Variants in ELP3 observed in about 807,000 individuals in gnomAD.
ELP3 encodes the protein elongator complex protein 3.
ELP3 carries 56 observed loss-of-function variants against 74.9 expected under a neutral mutation model. The observed-to-expected ratio is 0.75, with a 90% confidence interval of 0.60 to 0.93. The LOEUF (loss-of-function observed/expected upper bound fraction) is 0.93, where lower values mean the gene tolerates loss of function less well. Among genes scored for constraint, ELP3 ranks in the 40% least tolerant of loss-of-function variants. The pLI is 0.00. For missense variants in ELP3, 573 were observed against 686.5 expected (o/e 0.83, Z 1.85); for synonymous variants, 222 against 239.8 (o/e 0.93, Z 0.68).
intron 9 of ELP3, among the ~76,000 whole-genome samples, chr8:28,133,927 C>T (rs1812879973): frequency 6.6e-6 from 1 of 151,958 alleles, no homozygotes; most frequent in Admixed American, 6.6e-5. Context: ...CAAAAAGGCA[C>T]CTGAAACACA....
upstream of ELP3, chr8:28,092,999 C>T: frequency 2.8e-6 from 2 of 714,312 alleles, no homozygotes; most frequent in South Asian, 1.6e-5. Context: ...GGGGCAGGAT[C>T]GCAGCCTAGG....
At chr8:28,162,311 A>G (rs1814131928) in intron 14 of ELP3, among the ~76,000 whole-genome samples, 3 of 152,048 alleles carry the variant, frequency 2.0e-5, no homozygotes, top group Admixed American at 2.0e-4. Context: ...CCTCTTCTGC[A>G]CTCTCTGTCA....
At chr8:28,098,077 G>C (rs1811326013) in intron 2 of ELP3, among the ~76,000 whole-genome samples, 1 of 152,024 alleles carries the variant, frequency 6.6e-6, no homozygotes, top group African/African-American at 2.4e-5. Context: ...TGGGGCCCCT[G>C]ATCTAATCCA....
chr8:28,160,212 G>T lies in ELP3; in HGVS notation c.1258-17G>T, dbSNP rs1475253597. On this transcript the variant is annotated splice_polypyrimidine_tract_variant and intron_variant, in intron 12 of 14. Coordinates refer to ENST00000256398, the MANE Select transcript of ELP3 (RefSeq NM_018091.6). ...TTTAATTTTGAATAATATTTTTTGT[G>T]GCTTTTTACTAAATAGGTTGAATTG... 3 of 1,592,084 alleles carry T rather than the reference G, an allele frequency of 1.9e-6. No homozygotes were observed. Among genetic ancestry groups the T allele is most frequent in the Non-Finnish European group, 2.6e-6 (3 of 1,169,800 alleles).
Position 28,156,001 on chromosome 8 carries a change from C to T in ELP3, c.1160C>T (p.Ala387Val), listed in dbSNP as rs750706913. ...GAGCATGGTAACCTGAGAGAGCTGG[C>T]ACTTGCAAGAATGAAAGACCTCGGA... ...GVEHGNLRELALARMKDLGIQ... is the reference protein window; with the variant it reads ...GVEHGNLRELVLARMKDLGIQ... Residue 387 changes from alanine (A) to valine (V), a missense_variant, in exon 11 of 15, where the codon GCA becomes GTA. Ala to Val is a moderately conservative substitution (Grantham distance 64). Transcript: ENST00000256398. The T allele has an allele frequency of 6.2e-7, 1 of 1,613,858 alleles. No individual in the cohort carries two copies. Among genetic ancestry groups the T allele is most frequent in the East Asian group, 2.2e-5 (1 of 44,870 alleles).
In ELP3 at chr8:28,137,872, C is replaced by T. The variant is rs757498383; in HGVS notation, c.1081C>T (p.Arg361Ter). The T allele has an allele frequency of 5.0e-6, 8 of 1,610,138 alleles. No homozygotes were observed. In the East Asian group the frequency reaches 6.7e-5, roughly 13 times the overall value. Residue 361 changes from arginine to a stop codon, truncating the protein, a stop_gained, in exon 10 of 15, where the codon CGA becomes TGA. Coordinates refer to ENST00000256398, the MANE Select transcript of ELP3 (RefSeq NM_018091.6). LOFTEE classifies it high-confidence loss of function. ...CCTAGCCCTCGTGCCTCCATGGACTCGAGTGTACCGAGTACAGAGGTAGTG... is the reference window on the plus strand; with the variant it reads ...CCTAGCCCTCGTGCCTCCATGGACTTGAGTGTACCGAGTACAGAGGTAGTG... Reference protein sequence around the residue: ...RILALVPPWTRVYRVQRDIPM... With the variant: ...RILALVPPWT
At chr8:28,178,445 A>G (rs1358252972) in intron 14 of ELP3, among the ~76,000 whole-genome samples, 1 of 152,064 alleles carries the variant, frequency 6.6e-6, no homozygotes, top group African/African-American at 2.4e-5. Flanking sequence ...TTGTTGTTGC[A>G]TATTTTTGTT....
At chr8:28,131,589 C>T (rs7833797) in intron 8 of ELP3, among the ~76,000 whole-genome samples, 186 of 152,296 alleles carry the variant, frequency 1.2e-3, no homozygotes, top group African/African-American at 4.2e-3. Context: ...GGAACACCTT[C>T]GTGGCAGAAG....
Position 28,155,981 on chromosome 8 carries a change from T to C in ELP3, c.1140T>C (p.His380=). 6.2e-7 allele frequency: 1 copy of C among 1,614,008 alleles called. No homozygotes were observed. The highest frequency in any genetic ancestry group is 8.5e-7 in the Non-Finnish European group (1 of 1,179,876). ...CTTTAGTTAGCTCAGGAGTAGAGCA[T>C]GGTAACCTGAGAGAGCTGGCACTTG... ...PMPLVSSGVE[H]GNLRELALAR... The change falls in exon 11 of 15, where the codon CAT becomes CAC. Residue 380 remains histidine (H), a synonymous_variant. Coordinates refer to ENST00000256398, the MANE Select transcript of ELP3 (RefSeq NM_018091.6).
chr8:28,108,944 C>A (rs1252077100), intron 5 of ELP3, among the ~76,000 whole-genome samples: 1 of 151,708 alleles, frequency 6.6e-6, no homozygotes, highest in Non-Finnish European at 1.5e-5. Context: ...ACAAGAAGGA[C>A]CTAGTCCTAA....
intron 4 of ELP3, among the ~76,000 whole-genome samples, chr8:28,107,010 A>G (rs995711938): frequency 6.6e-6 from 1 of 152,186 alleles, no homozygotes; most frequent in African/African-American, 2.4e-5. Flanking sequence ...GCATTTTGGG[A>G]GGCTGAGGCA....
intron 8 of ELP3, 132 bp downstream of exon 8, chr8:28,129,795 T>G (rs1038375518): frequency 9.7e-7 from 1 of 1,028,820 alleles, no homozygotes; most frequent in Non-Finnish European, 1.4e-6. Context: ...TTTTCAGAGT[T>G]CTTTCTTCTG....
At chr8:28,105,919 A>G (rs186153749) in intron 3 of ELP3, among the ~76,000 whole-genome samples, 2 of 152,332 alleles carry the variant, frequency 1.3e-5, no homozygotes, top group Admixed American at 6.5e-5. Flanking sequence ...ATTTACACCC[A>G]GACCCTGAAA....
chr8:28,166,127 C>T (rs189326166), intron 14 of ELP3, among the ~76,000 whole-genome samples: 3 of 152,166 alleles, frequency 2.0e-5, no homozygotes, highest in East Asian at 1.9e-4. Context: ...TGAGGGCTCA[C>T]GTATGAAATG....
Position 28,161,447 on chromosome 8 carries a change from G to A in ELP3, c.1486-550G>A, listed in dbSNP as rs548104452. 2.0e-5 allele frequency among the ~76,000 whole-genome samples: 3 copies of A among 152,072 alleles called. No homozygotes were observed. In the South Asian group the frequency reaches 6.2e-4, roughly 32 times the overall value. ...AAATTAGCTGGGCGTGGCGGCACGT[G>A]CCTGTAGTCACAGCTACTCAGGAGG... On this transcript the variant is annotated intron_variant, in intron 13 of 14. Transcript: ENST00000256398.
At position 28,114,804 on chromosome 8, in the gene ELP3, T is replaced by A. The variant is rs1430450717; in HGVS notation, c.617+1631T>A. Among the ~76,000 whole-genome samples the A allele has an allele frequency of 6.6e-5, 10 of 152,290 alleles. No individual in the cohort carries two copies. The East Asian group carries it at 1.7e-3, about 26-fold the overall frequency. ...ACATGCTTTTAAGGAGTTGAAATTT[T>A]ATTTGAAATGCAGTAGGGAGCAGAT... On this transcript the variant is annotated intron_variant, in intron 7 of 14. Transcript: ENST00000256398.
chr8:28,157,918 A>G (rs1813896494), intron 11 of ELP3, among the ~76,000 whole-genome samples: 1 of 152,070 alleles, frequency 6.6e-6, no homozygotes, highest in South Asian at 2.1e-4. Flanking sequence ...TTCAAGAGCC[A>G]TTTGTGATTG....
At chr8:28,150,559 G>C (rs1227361402) in intron 10 of ELP3, among the ~76,000 whole-genome samples, 1 of 151,924 alleles carries the variant, frequency 6.6e-6, no homozygotes, top group African/African-American at 2.4e-5. Context: ...TTGCTTGCAT[G>C]GTTTCTTAGG....
chr8:28,093,263 G>C, intron 1 of ELP3, 30 bp downstream of exon 1: 2 of 1,612,452 alleles, frequency 1.2e-6, no homozygotes, highest in Non-Finnish European at 1.7e-6. Flanking sequence ...TGGGGGAAAG[G>C]GGTGGTCCGA....
Sources: gnomAD v4.1 joint callset for allele counts (sites outside exome capture counted in the v4.1 genomes callset) on GRCh38, gnomAD v4.1.1 for gene constraint, MANE v1.5 for transcripts, NCBI Gene and HGNC (gene_info 2026-07-23, HGNC 2026-07-21) for gene names.